The following CALCOCO2 variants were observed in gnomAD, a reference collection of about 807,000 sequenced individuals.
CALCOCO2 encodes the protein calcium binding and coiled-coil domain 2.
Under a neutral mutation model 62.5 loss-of-function variants are expected in CALCOCO2, and 42 were observed. The observed-to-expected ratio is 0.67, with a 90% confidence interval of 0.53 to 0.87. CALCOCO2 has a LOEUF of 0.87. Among genes scored for constraint, CALCOCO2 ranks in the 40% least tolerant of loss-of-function variants. CALCOCO2 has a pLI of 0.00. For synonymous variants in CALCOCO2, 167 were observed against 173.0 expected (o/e 0.97, Z 0.27); for missense variants, 456 against 515.0 (o/e 0.89, Z 1.11).
chr17:48,853,937 G>A (rs978699966), intron 9 of CALCOCO2, among the ~76,000 whole-genome samples: 5 of 152,036 alleles, frequency 3.3e-5, no homozygotes, highest in Admixed American at 2.0e-4. Context: ...CAGTTCCTTC[G>A]TTTGATTACA....
rs145562380 is a variant in CALCOCO2, at chr17:48,850,176, G to A, written c.543+799G>A. On this transcript the variant is annotated intron_variant, in intron 5 of 12. Transcript: ENST00000258947. ...TAGCCAAGCATGGTGGTAGGCACCTGTAATCCAAGCTACTCAGGAGGCTGA... is the reference window on the plus strand; with the variant it reads ...TAGCCAAGCATGGTGGTAGGCACCTATAATCCAAGCTACTCAGGAGGCTGA... 3.6e-3 allele frequency among the ~76,000 whole-genome samples: 541 copies of A among 152,282 alleles called. 5 individuals carry two copies. Among genetic ancestry groups the A allele is most frequent in the African/African-American group, 0.011 (474 of 41,556 alleles).
intron 6 of CALCOCO2, 154 bp downstream of exon 6, chr17:48,851,331 G>C (rs960272507): frequency 1.6e-6 from 1 of 637,928 alleles, no homozygotes; most frequent in African/African-American, 1.8e-5. Flanking sequence ...TTAGAAAATT[G>C]GTATCAGAAT....
intron 1 of CALCOCO2, among the ~76,000 whole-genome samples, chr17:48,839,997 A>G (rs536383874): frequency 6.6e-6 from 1 of 151,648 alleles, no homozygotes; most frequent in East Asian, 2.0e-4. Context: ...TTGTTTTAAT[A>G]GAGACAGTCT....
Position 48,852,565 on chromosome 17 carries a change from G to A in CALCOCO2, c.762G>A (p.Lys254=), listed in dbSNP as rs1197525356. The A allele has an allele frequency of 1.2e-6, 2 of 1,613,072 alleles. No individual in the cohort carries two copies. The highest frequency in any genetic ancestry group is 1.3e-5 in the African/African-American group (1 of 74,892). The change falls in exon 8 of 13, where the codon AAG becomes AAA. Residue 254 remains lysine, a synonymous_variant. Coordinates refer to ENST00000258947, the MANE Select transcript of CALCOCO2 (RefSeq NM_005831.5). ...AGCTTGTTCAGGGAGATCAAGATAAGACAGAGCAGTTAGAGCAGCTGAAAA... is the reference window on the plus strand; with the variant it reads ...AGCTTGTTCAGGGAGATCAAGATAAAACAGAGCAGTTAGAGCAGCTGAAAA... ...MEKLVQGDQD[K]TEQLEQLKKE... is the part of the protein sequence containing the mutation.
At position 48,852,947 on chromosome 17, in the gene CALCOCO2, G is replaced by A. The variant is rs749923376; in HGVS notation, c.847G>A (p.Glu283Lys). ...TEQRKDQKKL[E>K]QTVEQMKQNE... The stretch of plus-strand genomic sequence containing the variant: ...GCAGAGGAAGGACCAGAAGAAGCTC[G>A]AGCAGACAGTGGAGCAAATGAAGCA... Residue 283 changes from glutamate (E) to lysine (K), a missense_variant, in exon 9 of 13, where the codon GAG (glutamate) becomes AAG (lysine). Coordinates refer to ENST00000258947, the MANE Select transcript of CALCOCO2 (RefSeq NM_005831.5). The A allele has an allele frequency of 2.1e-5, 34 of 1,613,400 alleles. No homozygotes were observed. The highest frequency in any genetic ancestry group is 3.3e-5 in the South Asian group (3 of 91,056).
chr17:48,855,245 C>T (rs183605333), intron 9 of CALCOCO2, among the ~76,000 whole-genome samples: 91 of 152,208 alleles, frequency 6.0e-4, no homozygotes, highest in Non-Finnish European at 1.1e-3. Flanking sequence ...CTCAGAGAGC[C>T]CTTTCTTATT....
At position 48,864,953 on chromosome 17, in the gene CALCOCO2, T is replaced by C. The variant is rs759503547; in HGVS notation, c.*1948T>C. 2 of 152,266 alleles carry C rather than the reference T, an allele frequency of 1.3e-5. No homozygotes were observed. The highest frequency in any genetic ancestry group is 4.1e-4 in the South Asian group (2 of 4,824). The allele number at this position is 152,266 out of a possible 1,614,324, so 9.4% of individuals were successfully genotyped here. On this transcript the variant is annotated 3_prime_UTR_variant, in exon 13 of 13. Transcript: ENST00000258947. ...TTATTTTGTACCAGTCAGCTCTTAA[T>C]TAAGTACATGAATGGAGAGGAACAG...
At chr17:48,847,396 A>G (rs888517057) in intron 2 of CALCOCO2, among the ~76,000 whole-genome samples, 55 of 152,098 alleles carry the variant, frequency 3.6e-4, no homozygotes, top group African/African-American at 1.2e-3. Context: ...TATTCCCGCA[A>G]CTTTCCCCTT....
Position 48,863,228 on chromosome 17 carries a change from C to T in CALCOCO2, c.*223C>T. 2 of 487,206 alleles carry T rather than the reference C, an allele frequency of 4.1e-6. No individual in the cohort carries two copies. Among genetic ancestry groups the T allele is most frequent in the Non-Finnish European group, 7.5e-6 (2 of 265,504 alleles). 30.2% of individuals were successfully genotyped at this position (487,206 alleles called of 1,614,324 possible). ...CTACCTTTAAGTCGCATAACTCTAG[C>T]TGTATCATCCTCTCACCTGTCATTC... On this transcript the variant is annotated 3_prime_UTR_variant, in exon 13 of 13. Transcript: ENST00000258947.
chr17:48,841,930 G>GA, intron 2 of CALCOCO2, 43 bp downstream of exon 2: 1 of 1,371,790 alleles, frequency 7.3e-7, no homozygotes, highest in Non-Finnish European at 1.0e-6. Flanking sequence ...AACTAGAGGT[G>GA]ATTCTTAGTT....
At chr17:48,831,862 AAAGGACTTT>A (rs1276418556) in intron 1 of CALCOCO2, 1 of 152,248 alleles carries the variant, frequency 6.6e-6, no homozygotes, top group Non-Finnish European at 1.5e-5. Flanking sequence ...CATTGCAAGT[AAAGGACTTT>A]ATGTGGTAGG....
At position 48,848,642 on chromosome 17, in the gene CALCOCO2, T is replaced by C. The variant is rs1172548507; in HGVS notation, c.417+187T>C. On this transcript the variant is annotated intron_variant, in intron 4 of 12. Transcript: ENST00000258947. ...TGTTAACAAGACTCATAACAATAAG[T>C]GGTTTCTTCTTTTCTAAAACTTCTT... 6.3e-6 allele frequency: 4 copies of C among 638,468 alleles called. No individual in the cohort carries two copies. The African/African-American group carries it at 7.3e-5, about 12-fold the overall frequency. The allele number at this position is 638,468 out of a possible 1,614,324, so 39.6% of individuals were successfully genotyped here.
intron 11 of CALCOCO2, among the ~76,000 whole-genome samples, chr17:48,861,682 CTG>C (rs10540361): frequency 0.44 from 57,227 of 130,772 alleles, 12,911 homozygotes; most frequent in African/African-American, 0.59. Flanking sequence ...TATATAAAGC[CTG>C]TGTGTGTGTG....
Position 48,841,761 on chromosome 17 carries a change from T to C in CALCOCO2, c.54T>C (p.Cys18=). ...CATCAGCTGTCTTGCTGGATCACTG[T>C]CATTTCTCTCAGGTCATCTTTAACA... The part of the protein sequence containing the change: ...PPTSAVLLDH[C]HFSQVIFNSV... The change falls in exon 2 of 13, where the codon TGT becomes TGC. Residue 18 remains cysteine, a synonymous_variant. Transcript: ENST00000258947. The C allele has an allele frequency of 6.2e-7, 1 of 1,613,804 alleles. No individual in the cohort carries two copies.
intron 1 of CALCOCO2, among the ~76,000 whole-genome samples, chr17:48,836,758 C>G (rs1033228653): frequency 8.2e-6 from 1 of 122,358 alleles, no homozygotes; most frequent in African/African-American, 3.0e-5. Flanking sequence ...GGAAGTCACT[C>G]TTTTTTTTTT....
At chr17:48,841,598 A>T in intron 1 of CALCOCO2, 100 bp from the exon 2 acceptor site, 1 of 779,214 alleles carries the variant, frequency 1.3e-6, no homozygotes, top group Non-Finnish European at 1.9e-6. Context: ...GCTTTTCCTG[A>T]CTTGCTTTGC....
intron 10 of CALCOCO2, chr17:48,856,753 A>C (rs923019498): frequency 5.4e-6 from 2 of 371,078 alleles, no homozygotes; most frequent in African/African-American, 4.4e-5. Context: ...CTTGAAGTCA[A>C]GGTCATTCTC....
intron 1 of CALCOCO2, among the ~76,000 whole-genome samples, chr17:48,838,652 T>G (rs916517574): frequency 6.6e-6 from 1 of 152,058 alleles, no homozygotes; most frequent in South Asian, 2.1e-4. Context: ...AGGCAGAGGT[T>G]GCAGTGAGCC....
intron 9 of CALCOCO2, among the ~76,000 whole-genome samples, chr17:48,854,798 C>T (rs2040189276): frequency 6.6e-6 from 1 of 151,988 alleles, no homozygotes. Flanking sequence ...CCTAAAAGGC[C>T]GCTAAATATG....
Sources: gnomAD v4.1 joint callset for allele counts (sites outside exome capture counted in the v4.1 genomes callset) on GRCh38, gnomAD v4.1.1 for gene constraint, MANE v1.5 for transcripts, NCBI Gene and HGNC (gene_info 2026-07-23, HGNC 2026-07-21) for gene names.